Variants in EYS observed in about 807,000 individuals in gnomAD.
EYS encodes the protein EGF-like photoreceptor maintenance factor.
Under a neutral mutation model 282.1 loss-of-function variants are expected in EYS, and 250 were observed. That is an observed-to-expected ratio of 0.89 (90% CI 0.80 to 0.98). The LOEUF (loss-of-function observed/expected upper bound fraction) is 0.98, where lower values mean the gene tolerates loss of function less well. EYS is among the 50% of genes least tolerant of loss of function. The pLI is 0.00. For synonymous variants in EYS, 1,355 were observed against 1,282.9 expected, an observed-to-expected ratio of 1.06 and a Z score of -1.20; for missense variants, 4,016 against 3,709.0, an observed-to-expected ratio of 1.08 and a Z score of -2.15.
intron 14 of EYS, among the ~76,000 whole-genome samples, chr6:64,947,495 T>C (rs1339774559): frequency 6.6e-6 from 1 of 151,818 alleles, no homozygotes; most frequent in African/African-American, 2.4e-5. Flanking sequence ...TCTTGACACA[T>C]ATACTAGTCT....
intron 36 of EYS, among the ~76,000 whole-genome samples, chr6:63,832,877 T>A (rs530948360): frequency 6.6e-6 from 1 of 152,206 alleles, no homozygotes; most frequent in Non-Finnish European, 1.5e-5. Flanking sequence ...CATGATCAAG[T>A]TGACTTCATC....
At chr6:64,723,697 C>T (rs191673030) in intron 22 of EYS, among the ~76,000 whole-genome samples, 1 of 152,282 alleles carries the variant, frequency 6.6e-6, no homozygotes, top group Non-Finnish European at 1.5e-5. Context: ...GAATGAATTG[C>T]TATATGCTTG....
rs149077450 is a variant in EYS at position 64,256,616 on chromosome 6, T to C, written c.6192-25792A>G. 5.9e-3 allele frequency among the ~76,000 whole-genome samples: 903 copies of C among 152,162 alleles called. 1 individual carries two copies. The highest frequency in any genetic ancestry group is 0.021 in the African/African-American group (856 of 41,544). ...TCTACTTAATCATACTGAGAAGTTG[T>C]TGACGTTCATCTGTCCTGTGGCAAA... On this transcript the variant is annotated intron_variant, in intron 30 of 42. Transcript: ENST00000503581.
intron 5 of EYS, among the ~76,000 whole-genome samples, chr6:65,461,489 T>C (rs1764824880): frequency 1.3e-5 from 2 of 152,192 alleles, no homozygotes; most frequent in South Asian, 4.1e-4. Context: ...TATTCCTTTC[T>C]TCCTGGAGCT....
intron 29 of EYS, among the ~76,000 whole-genome samples, chr6:64,331,215 A>G (rs1012977780): frequency 1.3e-5 from 2 of 152,178 alleles, no homozygotes; most frequent in African/African-American, 2.4e-5. Flanking sequence ...TGCCATTTGC[A>G]TGCCCATGGA....
chr6:64,601,702 A>T (rs1766766301), intron 24 of EYS, among the ~76,000 whole-genome samples: 1 of 152,108 alleles, frequency 6.6e-6, no homozygotes, highest in Non-Finnish European at 1.5e-5. Flanking sequence ...CCTGAATAAG[A>T]TCACATCATT....
At chr6:65,075,480 A>G (rs1480736246) in intron 12 of EYS, among the ~76,000 whole-genome samples, 1 of 152,002 alleles carries the variant, frequency 6.6e-6, no homozygotes, top group Non-Finnish European at 1.5e-5. Context: ...GTTTTTCTAT[A>G]TAGTTTTAGA....
intron 24 of EYS, among the ~76,000 whole-genome samples, chr6:64,608,501 C>T (rs935622287): frequency 1.3e-5 from 2 of 152,130 alleles, no homozygotes; most frequent in African/African-American, 4.8e-5. Context: ...TTTTAGAAAA[C>T]AGTTGGGCAG....
chr6:65,694,572 A>T (rs146842678), intron 1 of EYS, among the ~76,000 whole-genome samples: 1 of 149,982 alleles, frequency 6.7e-6, no homozygotes, highest in Non-Finnish European at 1.5e-5. Flanking sequence ...GAAGAGGCTC[A>T]GGTAACTAAA....
At chr6:64,102,102 C>T (rs1198073481) in intron 31 of EYS, among the ~76,000 whole-genome samples, 1 of 152,168 alleles carries the variant, frequency 6.6e-6, no homozygotes, top group East Asian at 1.9e-4. Flanking sequence ...TAACACTCCA[C>T]ACTGATACCA....
intron 35 of EYS, among the ~76,000 whole-genome samples, chr6:63,875,176 C>T: frequency 6.6e-6 from 1 of 152,178 alleles, no homozygotes; most frequent in South Asian, 2.1e-4. Context: ...GAGTTTTTAG[C>T]ATGAAGACCT....
intron 11 of EYS, among the ~76,000 whole-genome samples, chr6:65,325,009 G>A (rs182365213): frequency 6.6e-5 from 10 of 152,288 alleles, no homozygotes; most frequent in East Asian, 3.9e-4. Context: ...AAGAGCTTTC[G>A]GCAGACATGC....
intron 12 of EYS, among the ~76,000 whole-genome samples, chr6:65,149,174 G>A (rs1028241180): frequency 1.3e-5 from 2 of 151,572 alleles, no homozygotes; most frequent in Non-Finnish European, 2.9e-5. Flanking sequence ...TCAGAAAATG[G>A]GTTTTTCTTT....
At chr6:65,059,137 T>A (rs1444948887) in intron 12 of EYS, among the ~76,000 whole-genome samples, 2 of 152,066 alleles carry the variant, frequency 1.3e-5, no homozygotes, top group African/African-American at 2.4e-5. Flanking sequence ...GAATGAAAAC[T>A]TTTTAAACCT....
chr6:64,997,262 A>G (rs574229001), intron 14 of EYS, among the ~76,000 whole-genome samples: 1 of 152,262 alleles, frequency 6.6e-6, no homozygotes, highest in African/African-American at 2.4e-5. Flanking sequence ...GTGGCCGTTA[A>G]GACTCACACA....
intron 12 of EYS, among the ~76,000 whole-genome samples, chr6:65,265,239 C>G (rs900289251): frequency 3.3e-5 from 5 of 151,934 alleles, no homozygotes; most frequent in African/African-American, 1.2e-4. Flanking sequence ...CCCTCAGGAT[C>G]CAAAATAAAA....
intron 30 of EYS, among the ~76,000 whole-genome samples, chr6:64,291,250 G>A (rs1295742086): frequency 6.6e-6 from 1 of 151,908 alleles, no homozygotes; most frequent in African/African-American, 2.4e-5. Flanking sequence ...TAACAGAGCT[G>A]TCATTAATCA....
rs1311957370 is a variant in EYS, at chr6:64,676,328, ATC to A, written c.3444-50085_3444-50084del. Reference sequence around the variant, plus strand: ...ATATCCAATATATCTATATATATATATCTATATATCTATATATATATATAGAG... The same window carrying A: ...ATATCCAATATATCTATATATATATATATATATCTATATATATATATAGAG... On this transcript the variant is annotated intron_variant, in intron 22 of 42. Coordinates refer to ENST00000503581, the MANE Select transcript of EYS (RefSeq NM_001142800.2). Among the ~76,000 whole-genome samples, 58 of 145,586 alleles carry A rather than the reference ATC, an allele frequency of 4.0e-4. 1 individual carries two copies. Among genetic ancestry groups the A allele is most frequent in the Non-Finnish European group, 7.1e-4 (47 of 66,058 alleles).
intron 5 of EYS, among the ~76,000 whole-genome samples, chr6:65,444,620 T>C (rs1052956819): frequency 2.6e-5 from 4 of 151,690 alleles, no homozygotes; most frequent in Non-Finnish European, 4.4e-5. Context: ...TGTTGTTCTA[T>C]AAAATAAAAA....
Sources: gnomAD v4.1 joint callset for allele counts (sites outside exome capture counted in the v4.1 genomes callset) on GRCh38, gnomAD v4.1.1 for gene constraint, MANE v1.5 for transcripts, NCBI Gene and HGNC (gene_info 2026-07-23, HGNC 2026-07-21) for gene names.